CRYBG3: variants seen among roughly 807,000 people sequenced by gnomAD.
CRYBG3 encodes the protein very large A-kinase anchor protein.
CRYBG3 carries 127 observed loss-of-function variants against 244.2 expected under a neutral mutation model. That is an observed-to-expected ratio of 0.52 (90% CI 0.45 to 0.60). The LOEUF is 0.60. Ranked by LOEUF, CRYBG3 falls within the 20% of genes least tolerant of loss-of-function variation. The pLI is 0.00. For synonymous variants in CRYBG3, 1,132 were observed against 1,195.8 expected (o/e 0.95, Z 1.10); for missense variants, 3,325 against 3,442.5 (o/e 0.97, Z 0.85).
chr3:97,834,541 G>A (rs2038703505), intron 1 of CRYBG3, among the ~76,000 whole-genome samples: 2 of 152,104 alleles, frequency 1.3e-5, no homozygotes, highest in African/African-American at 4.8e-5. Flanking sequence ...TGAATTTGAT[G>A]TTTTAATAAC....
intron 9 of CRYBG3, among the ~76,000 whole-genome samples, chr3:97,888,856 G>T (rs1045613664): frequency 2.0e-5 from 3 of 152,176 alleles, no homozygotes; most frequent in Non-Finnish European, 4.4e-5. Context: ...CAAAGACAGT[G>T]CATGTGAGAA....
At chr3:97,867,114 A>G (rs2039243214) in intron 3 of CRYBG3, 1 of 152,238 alleles carries the variant, frequency 6.6e-6, no homozygotes, top group Non-Finnish European at 1.5e-5. Context: ...AGAGTTTGAG[A>G]CCAGCCTGAC....
intron 17 of CRYBG3, among the ~76,000 whole-genome samples, chr3:97,929,080 ATTCTTT>A (rs1285759775): frequency 6.6e-6 from 1 of 151,964 alleles, no homozygotes; most frequent in Non-Finnish European, 1.5e-5. Context: ...TTGGTCGAGT[ATTCTTT>A]TTCTTTGACA....
At chr3:97,928,146 A>G (rs2040059942) in intron 17 of CRYBG3, among the ~76,000 whole-genome samples, 1 of 152,056 alleles carries the variant, frequency 6.6e-6, no homozygotes, top group Non-Finnish European at 1.5e-5. Flanking sequence ...CATGGAATCA[A>G]CCTAGGTACC....
chr3:97,906,976 A>G (rs1251538079), intron 15 of CRYBG3, among the ~76,000 whole-genome samples: 1 of 150,950 alleles, frequency 6.6e-6, no homozygotes, highest in African/African-American at 2.4e-5. Flanking sequence ...ATTTTGTCAA[A>G]GGCTTTTTCT....
rs747856194 is a variant in CRYBG3, at chr3:97,877,786, G to T, written c.6592G>T (p.Val2198Leu). Residue 2198 changes from valine (V) to leucine (L), a missense_variant, in exon 4 of 22, where the codon GTG (valine) becomes TTG (leucine). Physicochemically the swap from Val to Leu is conservative, Grantham distance 32. Transcript: ENST00000389622. ...ESVGISKNSYVMPNEPTTSNL... is the reference protein window; with the variant it reads ...ESVGISKNSYLMPNEPTTSNL... ...CGTTGGAATTTCTAAGAATTCATATGTGATGCCAAATGAACCTACTACCTC... is the reference window on the plus strand; with the variant it reads ...CGTTGGAATTTCTAAGAATTCATATTTGATGCCAAATGAACCTACTACCTC... 6.2e-7 allele frequency: 1 copy of T among 1,613,976 alleles called. No individual in the cohort carries two copies. Among genetic ancestry groups the T allele is most frequent in the African/African-American group, 1.3e-5 (1 of 74,914 alleles).
intron 7 of CRYBG3, among the ~76,000 whole-genome samples, chr3:97,884,392 A>T (rs1162768171): frequency 6.6e-6 from 1 of 152,040 alleles, no homozygotes; most frequent in African/African-American, 2.4e-5. Context: ...TTATGGTAAG[A>T]TCTGTTGTTA....
At chr3:97,846,445 T>C (rs2038902208) in intron 2 of CRYBG3, among the ~76,000 whole-genome samples, 1 of 152,224 alleles carries the variant, frequency 6.6e-6, no homozygotes, top group Non-Finnish European at 1.5e-5. Flanking sequence ...GCTCCAGACT[T>C]GATTATCAAT....
intron 2 of CRYBG3, among the ~76,000 whole-genome samples, chr3:97,847,113 C>G (rs1192358539): frequency 1.3e-5 from 2 of 152,104 alleles, no homozygotes; most frequent in African/African-American, 4.8e-5. Context: ...CTCACTATTG[C>G]AAGGACACCA....
chr3:97,891,619 A>C (rs1559734899), intron 10 of CRYBG3, among the ~76,000 whole-genome samples: 2 of 152,180 alleles, frequency 1.3e-5, no homozygotes, highest in Non-Finnish European at 2.9e-5. Flanking sequence ...CTTGCAAATT[A>C]ACTATGTCAA....
intron 10 of CRYBG3, 116 bp from the exon 11 acceptor site, chr3:97,892,741 TCTC>T: frequency 1.9e-6 from 1 of 540,056 alleles, no homozygotes; most frequent in East Asian, 3.5e-5. Flanking sequence ...CTTTTTGAAA[TCTC>T]CTCATATTAA....
Position 97,913,918 on chromosome 3 carries a change from A to G in CRYBG3, c.8114+1642A>G, listed in dbSNP as rs569435096. Reference sequence around the variant, plus strand: ...AGATTGCATATGTGCTTTCCAGCATACCATAATCACCACCATTCCCAATTT... The same window carrying G: ...AGATTGCATATGTGCTTTCCAGCATGCCATAATCACCACCATTCCCAATTT... On this transcript the variant is annotated intron_variant, in intron 16 of 21. Transcript: ENST00000389622. 1.5e-4 allele frequency among the ~76,000 whole-genome samples: 23 copies of G among 152,292 alleles called. No individual in the cohort carries two copies. The South Asian group carries it at 4.6e-3, about 30-fold the overall frequency.
At chr3:97,824,393 T>C (rs1313575237) in intron 1 of CRYBG3, among the ~76,000 whole-genome samples, 1 of 151,958 alleles carries the variant, frequency 6.6e-6, no homozygotes, top group East Asian at 1.9e-4. Context: ...TGAAGAGGAG[T>C]ACAAAATTAA....
At chr3:97,899,866 C>T (rs562106901) in intron 14 of CRYBG3, among the ~76,000 whole-genome samples, 2 of 152,146 alleles carry the variant, frequency 1.3e-5, no homozygotes, top group South Asian at 4.1e-4. Flanking sequence ...AATAAGAGTG[C>T]CCATGAGATA....
rs772304066 is a variant in CRYBG3, at chr3:97,877,198, T to G, written c.6004T>G (p.Leu2002Val). 2 of 1,613,780 alleles carry G rather than the reference T, an allele frequency of 1.2e-6. No homozygotes were observed. Among genetic ancestry groups the G allele is most frequent in the Admixed American group, 3.3e-5 (2 of 60,008 alleles). Reference protein sequence around the residue: ...DEQENSSFTILYEEPLQEEDK... With the variant: ...DEQENSSFTIVYEEPLQEEDK... ...ACAAGAAAATTCTTCCTTTACTATA[T>G]TATACGAAGAGCCCCTTCAAGAGGA... The change falls in exon 4 of 22, where the codon TTA becomes GTA. Residue 2002 changes from leucine (L) to valine (V), a missense_variant. Leu to Val is a conservative substitution (Grantham distance 32). Transcript: ENST00000389622.
At chr3:97,860,950 T>A (rs896265800) in intron 2 of CRYBG3, among the ~76,000 whole-genome samples, 4 of 152,092 alleles carry the variant, frequency 2.6e-5, no homozygotes, top group African/African-American at 9.7e-5. Context: ...ACCAAAAATT[T>A]CACATTTGAC....
intron 17 of CRYBG3, among the ~76,000 whole-genome samples, chr3:97,924,989 TG>T (rs2040024536): frequency 6.6e-6 from 1 of 152,038 alleles, no homozygotes; most frequent in Non-Finnish European, 1.5e-5. Context: ...AAAGGTTTAG[TG>T]TACCGAATAT....
intron 7 of CRYBG3, among the ~76,000 whole-genome samples, chr3:97,884,182 G>A (rs1052509440): frequency 5.9e-5 from 9 of 152,214 alleles, no homozygotes; most frequent in Middle Eastern, 3.4e-3. Context: ...CAGGTATAGC[G>A]AATAACCTCA....
intron 1 of CRYBG3, among the ~76,000 whole-genome samples, chr3:97,833,526 C>A (rs971961175): frequency 3.9e-5 from 6 of 152,048 alleles, no homozygotes; most frequent in African/African-American, 1.4e-4. Flanking sequence ...AACACATGGA[C>A]ACAGGGAGGG....
Sources: allele counts gnomAD v4.1 joint callset (sites outside exome capture counted in the v4.1 genomes callset), GRCh38; gene constraint gnomAD v4.1.1; transcripts MANE v1.5; gene names NCBI Gene and HGNC (gene_info 2026-07-23, HGNC 2026-07-21).